Variants in NIPBL observed in about 807,000 individuals in gnomAD.
NIPBL encodes NIPBL cohesin loading factor.
In NIPBL, 19 loss-of-function variants were observed where a neutral mutation model predicts 321.8. The observed-to-expected ratio is 0.06, with a 90% CI of 0.04 to 0.09. NIPBL has a LOEUF of 0.09. Among genes scored for constraint, NIPBL ranks in the 10% least tolerant of loss-of-function variants. The pLI is 1.00. For synonymous variants in NIPBL, 1,106 were observed against 1,114.1 expected, an observed-to-expected ratio of 0.99 and a Z score of 0.14; for missense variants, 2,210 against 3,327.0, an observed-to-expected ratio of 0.66 and a Z score of 8.26.
At chr5:36,979,867 A>G (rs1176388194) in intron 9 of NIPBL, among the ~76,000 whole-genome samples, 4 of 151,750 alleles carry the variant, frequency 2.6e-5, no homozygotes, top group African/African-American at 4.8e-5. Context: ...CAATATCACA[A>G]TTCCCTGACC....
At chr5:37,042,885 CT>C (rs1232788881) in intron 34 of NIPBL, among the ~76,000 whole-genome samples, 4 of 145,872 alleles carry the variant, frequency 2.7e-5, no homozygotes, top group Non-Finnish European at 6.0e-5. Flanking sequence ...GAAAGCCTTA[CT>C]ACACACACGC....
At position 36,976,182 on chromosome 5, in the gene NIPBL, A is replaced by G. The variant is rs202230820; in HGVS notation, c.1275A>G (p.Gln425=). Residue 425 remains glutamine, a synonymous_variant, in exon 9 of 47, where the codon CAA becomes CAG. Transcript: ENST00000282516. The stretch of plus-strand genomic sequence containing the variant: ...CTCAATGTTTGTCGCAGCAAGAACA[A>G]ACAGCATTCCTTCCAGCAAATCAAG... The part of the protein sequence containing the change: ...NAAQCLSQQE[Q]TAFLPANQVP... 6.2e-7 allele frequency: 1 copy of G among 1,612,840 alleles called. No homozygotes were observed. Among genetic ancestry groups the G allele is most frequent in the East Asian group, 2.2e-5 (1 of 44,860 alleles).
At chr5:36,912,199 G>A (rs1277867969) in intron 1 of NIPBL, among the ~76,000 whole-genome samples, 2 of 152,156 alleles carry the variant, frequency 1.3e-5, no homozygotes, top group South Asian at 2.1e-4. Context: ...TAGGCTTGGT[G>A]CCTTATTTGA....
chr5:37,047,938 G>A (rs888442056), intron 38 of NIPBL, among the ~76,000 whole-genome samples: 2 of 152,054 alleles, frequency 1.3e-5, no homozygotes, highest in Non-Finnish European at 2.9e-5. Flanking sequence ...AGAAATGGAA[G>A]ATATTTTTAG....
chr5:37,002,959 G>A (rs1746989649), intron 15 of NIPBL, among the ~76,000 whole-genome samples, 194 bp downstream of exon 15: 1 of 151,056 alleles, frequency 6.6e-6, no homozygotes, highest in Non-Finnish European at 1.5e-5. Context: ...TTATTCTAAA[G>A]AGAATCATAT....
intron 45 of NIPBL, among the ~76,000 whole-genome samples, chr5:37,061,898 A>G (rs547983295): frequency 6.6e-6 from 1 of 152,010 alleles, no homozygotes; most frequent in African/African-American, 2.4e-5. Flanking sequence ...CTGGAGTGCA[A>G]TGGCGCGATC....
chr5:37,016,824 A>C (rs1443332816), intron 23 of NIPBL, among the ~76,000 whole-genome samples, 195 bp from the exon 24 acceptor site: 2 of 152,006 alleles, frequency 1.3e-5, no homozygotes, highest in Non-Finnish European at 2.9e-5. Flanking sequence ...TTAATCTGTA[A>C]TTTTTTTAGT....
chr5:37,047,110 C>T (rs933254137), intron 38 of NIPBL, among the ~76,000 whole-genome samples: 12 of 152,072 alleles, frequency 7.9e-5, no homozygotes, highest in Middle Eastern at 3.4e-3. Flanking sequence ...TTAAAGTATA[C>T]GAGAGGATAT....
intron 16 of NIPBL, 132 bp downstream of exon 16, chr5:37,003,479 A>G: frequency 3.4e-6 from 2 of 595,620 alleles, no homozygotes; most frequent in Non-Finnish European, 3.1e-6. Context: ...AAAGTAGGTG[A>G]ATAATTTTTA....
intron 1 of NIPBL, among the ~76,000 whole-genome samples, chr5:36,931,306 C>T (rs572392190): frequency 6.6e-6 from 1 of 151,504 alleles, no homozygotes; most frequent in Non-Finnish European, 1.5e-5. Flanking sequence ...GTTAATATTC[C>T]CTTTTAATTC....
At chr5:37,049,368 G>A in intron 40 of NIPBL, 67 bp downstream of exon 40, 1 of 1,499,532 alleles carries the variant, frequency 6.7e-7, no homozygotes, top group South Asian at 1.1e-5. Context: ...GATACATTGT[G>A]ATTATAGAGA....
At chr5:36,910,422 G>C (rs948827218) in intron 1 of NIPBL, among the ~76,000 whole-genome samples, 53 of 152,278 alleles carry the variant, frequency 3.5e-4, no homozygotes, top group African/African-American at 1.3e-3. Context: ...CTTAGGCTCA[G>C]AATTTGTCAT....
intron 21 of NIPBL, among the ~76,000 whole-genome samples, chr5:37,011,750 G>A (rs1403517081): frequency 1.3e-5 from 2 of 150,612 alleles, no homozygotes; most frequent in South Asian, 2.1e-4. Flanking sequence ...TCATTTTTAC[G>A]TAAAGGACAG....
chr5:36,911,860 G>GC (rs1338683075), intron 1 of NIPBL, among the ~76,000 whole-genome samples: 1 of 152,190 alleles, frequency 6.6e-6, no homozygotes, highest in Non-Finnish European at 1.5e-5. Flanking sequence ...TGAAGAAGGA[G>GC]CTAGTGTAAA....
chr5:37,005,544 G>T (rs1031610934), intron 16 of NIPBL, among the ~76,000 whole-genome samples: 10 of 152,116 alleles, frequency 6.6e-5, no homozygotes, highest in Non-Finnish European at 1.0e-4. Flanking sequence ...AGCAATGTTC[G>T]CATCAAAGAC....
intron 1 of NIPBL, among the ~76,000 whole-genome samples, chr5:36,894,344 C>A (rs527423238): frequency 1.3e-5 from 2 of 152,024 alleles, no homozygotes; most frequent in South Asian, 4.1e-4. Context: ...CAAAAAAAAA[C>A]TCTATTTATA....
In NIPBL at chr5:37,016,994, AATCAAAAACTATTTTGATATTT is replaced by A. The variant is rs1749072198; in HGVS notation, c.4777-23_4777-2del. The A allele has an allele frequency of 6.8e-7, 1 of 1,467,672 alleles. No homozygotes were observed. The highest frequency in any genetic ancestry group is 9.4e-7 in the Non-Finnish European group (1 of 1,064,472). 90.9% of individuals were successfully genotyped at this position (1,467,672 alleles called of 1,614,324 possible). A position where few individuals can be genotyped will look rare whatever the true frequency, so the allele number is the denominator to read the frequency against. ...AAAATATATTGTTATAAATCTATTC[AATCAAAAACTATTTTGATATTT>A]AGGTTCATCAGTTCAGTAACAAGTC... On this transcript the variant is annotated splice_polypyrimidine_tract_variant and splice_region_variant and intron_variant, in intron 23 of 46. Transcript: ENST00000282516.
intron 1 of NIPBL, among the ~76,000 whole-genome samples, chr5:36,923,180 C>T (rs978748818): frequency 4.6e-5 from 7 of 151,972 alleles, no homozygotes; most frequent in Admixed American, 4.6e-4. Context: ...GTGGCGTGCA[C>T]CTGTAGTCCC....
intron 1 of NIPBL, among the ~76,000 whole-genome samples, chr5:36,943,304 G>C (rs926168748): frequency 4.6e-5 from 7 of 152,066 alleles, no homozygotes; most frequent in African/African-American, 1.7e-4. Context: ...TCAAAAATGT[G>C]AACTACTTAG....
Sources: allele counts gnomAD v4.1 joint callset (sites outside exome capture counted in the v4.1 genomes callset), GRCh38; gene constraint gnomAD v4.1.1; transcripts MANE v1.5; gene names NCBI Gene and HGNC (gene_info 2026-07-23, HGNC 2026-07-21).